The following NCAM2 variants were observed in gnomAD, a reference collection of about 807,000 sequenced individuals.
NCAM2 encodes the protein neural cell adhesion molecule 2.
Under a neutral mutation model 98.1 loss-of-function variants are expected in NCAM2, and 30 were observed. The observed-to-expected ratio is 0.31, with a 90% CI of 0.23 to 0.41. The LOEUF (loss-of-function observed/expected upper bound fraction) is 0.41. NCAM2 is among the 10% of genes least tolerant of loss of function. NCAM2 has a pLI of 1.00. For synonymous variants in NCAM2, 368 were observed against 342.4 expected (o/e 1.07, Z -0.83); for missense variants, 867 against 1,005.8 (o/e 0.86, Z 1.87).
At chr21:21,148,008 G>T (rs2067337478) in intron 1 of NCAM2, among the ~76,000 whole-genome samples, 1 of 151,970 alleles carries the variant, frequency 6.6e-6, no homozygotes, top group Non-Finnish European at 1.5e-5. Flanking sequence ...AGGATAAGAT[G>T]GATGTTCCAG....
chr21:21,159,171 TA>T (rs1166176982), intron 1 of NCAM2, among the ~76,000 whole-genome samples: 1 of 152,100 alleles, frequency 6.6e-6, no homozygotes, highest in Non-Finnish European at 1.5e-5. Flanking sequence ...AGGATATAAA[TA>T]AAAAATATCT....
chr21:21,135,518 C>T (rs915501823), intron 1 of NCAM2, among the ~76,000 whole-genome samples: 1 of 152,170 alleles, frequency 6.6e-6, no homozygotes, highest in Admixed American at 6.5e-5. Context: ...ACAGTCTTAG[C>T]ATTTATTTTA....
At chr21:21,173,270 A>G (rs1335842399) in intron 1 of NCAM2, among the ~76,000 whole-genome samples, 1 of 152,210 alleles carries the variant, frequency 6.6e-6, no homozygotes, top group Non-Finnish European at 1.5e-5. Flanking sequence ...GAAAGTGGAC[A>G]ATGTTCAATG....
intron 8 of NCAM2, among the ~76,000 whole-genome samples, chr21:21,372,964 T>A (rs2075953435): frequency 6.6e-6 from 1 of 151,854 alleles, no homozygotes; most frequent in Admixed American, 6.6e-5. Context: ...AATAATTACG[T>A]TTCCTTTATA....
chr21:21,211,601 AAAAC>A (rs767958081), intron 1 of NCAM2, among the ~76,000 whole-genome samples: 3 of 152,192 alleles, frequency 2.0e-5, no homozygotes, highest in Admixed American at 6.5e-5. Flanking sequence ...CAGGAAAAAC[AAAAC>A]AAACAACACA....
chr21:21,502,873 C>A (rs566718331), intron 15 of NCAM2, among the ~76,000 whole-genome samples: 1 of 152,034 alleles, frequency 6.6e-6, no homozygotes, highest in South Asian at 2.1e-4. Context: ...CAGCTTTCCA[C>A]GTCCTGAAAT....
At chr21:21,253,432 A>T (rs1334987965) in intron 1 of NCAM2, among the ~76,000 whole-genome samples, 1 of 152,092 alleles carries the variant, frequency 6.6e-6, no homozygotes, top group Non-Finnish European at 1.5e-5. Context: ...GGAGGTGATT[A>T]GGTCATTGGA....
intron 1 of NCAM2, among the ~76,000 whole-genome samples, chr21:21,212,826 A>T (rs985563234): frequency 3.4e-5 from 5 of 147,538 alleles, no homozygotes; most frequent in Non-Finnish European, 7.4e-5. Flanking sequence ...CACTGCGAGC[A>T]CCGCCTCCCG....
intron 12 of NCAM2, among the ~76,000 whole-genome samples, chr21:21,462,935 C>G (rs1294163446): frequency 1.3e-5 from 2 of 152,066 alleles, no homozygotes; most frequent in Non-Finnish European, 2.9e-5. Flanking sequence ...AGTTTGTAAT[C>G]TAGATCTGCT....
intron 5 of NCAM2, among the ~76,000 whole-genome samples, chr21:21,311,124 C>G (rs1023486842): frequency 6.6e-6 from 1 of 152,122 alleles, no homozygotes; most frequent in Non-Finnish European, 1.5e-5. Context: ...ACATATCAAG[C>G]TGGGATTTTA....
intron 12 of NCAM2, among the ~76,000 whole-genome samples, chr21:21,446,881 C>T (rs1980239896): frequency 6.6e-6 from 1 of 152,002 alleles, no homozygotes; most frequent in Non-Finnish European, 1.5e-5. Context: ...AACTACAAAC[C>T]ACTCTCAAGG....
At chr21:21,429,056 A>C (rs944700002) in intron 11 of NCAM2, among the ~76,000 whole-genome samples, 2 of 152,224 alleles carry the variant, frequency 1.3e-5, no homozygotes, top group Non-Finnish European at 2.9e-5. Flanking sequence ...AATGTAAAAA[A>C]TATTTAGAAA....
intron 8 of NCAM2, among the ~76,000 whole-genome samples, chr21:21,340,361 TAATA>T (rs2074991192): frequency 2.0e-5 from 3 of 152,028 alleles, no homozygotes; most frequent in Admixed American, 6.6e-5. Context: ...GTTATTTCAT[TAATA>T]AATGTCATCA....
At chr21:21,065,978 A>G (rs76039707) in intron 1 of NCAM2, among the ~76,000 whole-genome samples, 5,641 of 152,292 alleles carry the variant, frequency 0.037, 326 homozygotes, top group African/African-American at 0.13. Flanking sequence ...AAATAGGTAT[A>G]TGCAGAACAG....
At chr21:21,346,991 C>T (rs2075207698) in intron 8 of NCAM2, among the ~76,000 whole-genome samples, 2 of 151,428 alleles carry the variant, frequency 1.3e-5, no homozygotes, top group South Asian at 4.1e-4. Context: ...GCAAACCAAA[C>T]ACAAAATTAG....
chr21:21,397,864 A>G (rs747014448), intron 9 of NCAM2, among the ~76,000 whole-genome samples: 1 of 152,228 alleles, frequency 6.6e-6, no homozygotes, highest in Non-Finnish European at 1.5e-5. Flanking sequence ...CATCACAACC[A>G]CTATGGAAAA....
intron 1 of NCAM2, among the ~76,000 whole-genome samples, chr21:21,161,966 TATTTC>T (rs985039235): frequency 6.6e-6 from 1 of 152,060 alleles, no homozygotes; most frequent in Non-Finnish European, 1.5e-5. Context: ...TAGTTAAAAA[TATTTC>T]ATTTCATATT....
chr21:21,237,762 G>C (rs945715733), intron 1 of NCAM2, among the ~76,000 whole-genome samples: 23 of 151,784 alleles, frequency 1.5e-4, no homozygotes, highest in Non-Finnish European at 2.9e-4. Context: ...AAAAAAGAAA[G>C]CTAATTTCAC....
At chr21:21,512,518 A>G (rs1988452821) in intron 16 of NCAM2, among the ~76,000 whole-genome samples, 1 of 151,898 alleles carries the variant, frequency 6.6e-6, no homozygotes, top group Non-Finnish European at 1.5e-5. Context: ...AAGTTAGGTA[A>G]TGTCATTCCT....
Sources: gnomAD v4.1 joint callset for allele counts (sites outside exome capture counted in the v4.1 genomes callset) on GRCh38, gnomAD v4.1.1 for gene constraint, MANE v1.5 for transcripts, NCBI Gene and HGNC (gene_info 2026-07-23, HGNC 2026-07-21) for gene names.